SEPTIN9: variants seen among roughly 807,000 people sequenced by gnomAD.
SEPTIN9 encodes the protein septin 9.
A neutral mutation model predicts 56.6 loss-of-function variants in SEPTIN9; 13 were observed. The observed-to-expected ratio is 0.23, with a 90% CI of 0.15 to 0.37. The LOEUF (loss-of-function observed/expected upper bound fraction) is 0.37. Ranked by LOEUF, SEPTIN9 falls within the 10% of genes least tolerant of loss-of-function variation. The pLI is 1.00. For missense variants in SEPTIN9, 650 were observed against 823.1 expected (o/e 0.79, Z 2.57); for synonymous variants, 332 against 334.1 (o/e 0.99, Z 0.07).
rs2037960566 is a variant in SEPTIN9 at position 77,451,355 on chromosome 17, C to T, written c.722-30789C>T. On this transcript the variant is annotated intron_variant, in intron 3 of 11. Coordinates refer to ENST00000427177, the MANE Select transcript of SEPTIN9 (RefSeq NM_001113491.2). This position sits in a 1 kb window ranked among gnomAD's most constrained non-coding sequence, Gnocchi z 4.2. Reference sequence around the variant, plus strand: ...CCCTTGGAGCAATTCCCCACCGAGCCTCCCTTCCCAGGCAGTCGAGGTCCC... The same window carrying T: ...CCCTTGGAGCAATTCCCCACCGAGCTTCCCTTCCCAGGCAGTCGAGGTCCC... 2 of 985,882 alleles carry T rather than the reference C, an allele frequency of 2.0e-6. No individual in the cohort carries two copies. The highest frequency in any genetic ancestry group is 6.1e-5 in the Admixed American group (1 of 16,286). 61.1% of individuals were successfully genotyped at this position (985,882 alleles called of 1,614,324 possible). A position where few individuals can be genotyped will look rare whatever the true frequency, so the allele number is the denominator to read the frequency against.
In SEPTIN9 at chr17:77,330,151, G is replaced by A. The variant is rs1261736264; in HGVS notation, c.76+22954G>A. On this transcript the variant is annotated intron_variant, in intron 2 of 11. Transcript: ENST00000427177. The surrounding 1 kb of genome is among the most constrained non-coding windows in gnomAD (Gnocchi z 4.4). ...TCCTTCGGGACAGACCCCTGTGATC[G>A]CTGGGTGTTCCTGATGCTCTGTCCC... Among the ~76,000 whole-genome samples, 1 of 152,212 alleles carries A rather than the reference G, an allele frequency of 6.6e-6. No individual in the cohort carries two copies. Among genetic ancestry groups the A allele is most frequent in the Non-Finnish European group, 1.5e-5 (1 of 68,026 alleles).
intron 1 of SEPTIN9, among the ~76,000 whole-genome samples, chr17:77,294,211 G>A (rs1183414827): frequency 2.0e-5 from 3 of 152,098 alleles, no homozygotes; most frequent in Non-Finnish European, 4.4e-5. Flanking sequence ...TTGAGGTCAG[G>A]AGTTTGAAAC....
intron 2 of SEPTIN9, among the ~76,000 whole-genome samples, chr17:77,338,955 T>A (rs952407005): frequency 2.0e-5 from 3 of 152,194 alleles, no homozygotes; most frequent in African/African-American, 7.2e-5. Context: ...AGATCCCATC[T>A]CCAGGAACCA....
In SEPTIN9 at chr17:77,421,335, C is replaced by A. The variant is rs2036694676; in HGVS notation, c.721+18632C>A. Among the ~76,000 whole-genome samples the A allele has an allele frequency of 6.6e-6, 1 of 152,150 alleles. No homozygotes were observed. Among genetic ancestry groups the A allele is most frequent in the African/African-American group, 2.4e-5 (1 of 41,432 alleles). ...GAACAGATTGGAACCGCATTTCTCT[C>A]CCCCCAGTCACAGCTGCCAGGAGCT... On this transcript the variant is annotated intron_variant, in intron 3 of 11. Coordinates refer to ENST00000427177, the MANE Select transcript of SEPTIN9 (RefSeq NM_001113491.2). This position sits in a 1 kb window ranked among gnomAD's most constrained non-coding sequence, Gnocchi z 4.6.
chr17:77,316,811 A>G (rs2032729009), intron 2 of SEPTIN9, among the ~76,000 whole-genome samples: 1 of 151,154 alleles, frequency 6.6e-6, no homozygotes, highest in African/African-American at 2.4e-5. Context: ...GCTTCAAGCA[A>G]TCCTTCCGCC....
At chr17:77,383,527 C>A (rs1278900377) in intron 2 of SEPTIN9, among the ~76,000 whole-genome samples, 2 of 152,238 alleles carry the variant, frequency 1.3e-5, no homozygotes, top group African/African-American at 4.8e-5. Context: ...CGATGGAAAT[C>A]TCTGTCTACT....
chr17:77,496,557 G>A lies in SEPTIN9; in HGVS notation c.1574-758G>A, dbSNP rs990796337. Reference sequence around the variant, plus strand: ...CACCGCGTGTTCATATAGGAGTTACGAAGCACAGCAATAAAATGACCACTC... The same window carrying A: ...CACCGCGTGTTCATATAGGAGTTACAAAGCACAGCAATAAAATGACCACTC... On this transcript the variant is annotated intron_variant, in intron 10 of 11. Transcript: ENST00000427177. 3.9e-5 allele frequency among the ~76,000 whole-genome samples: 6 copies of A among 152,178 alleles called. No homozygotes were observed. In the South Asian group the frequency reaches 6.2e-4, roughly 16 times the overall value.
chr17:77,421,500 G>C lies in SEPTIN9; in HGVS notation c.721+18797G>C, dbSNP rs1284256272. On this transcript the variant is annotated intron_variant, in intron 3 of 11. Coordinates refer to ENST00000427177, the MANE Select transcript of SEPTIN9 (RefSeq NM_001113491.2). The surrounding 1 kb of genome is among the most constrained non-coding windows in gnomAD (Gnocchi z 4.6). ...CCTGGGGACCGAGATGAGGGCTCCA[G>C]GTTGGCTCCGGCAAGAGCAGGGAGG... Among the ~76,000 whole-genome samples, 1 of 152,196 alleles carries C rather than the reference G, an allele frequency of 6.6e-6. No individual in the cohort carries two copies. Among genetic ancestry groups the C allele is most frequent in the African/African-American group, 2.4e-5 (1 of 41,446 alleles).
chr17:77,398,810 C>T (rs113864471), intron 2 of SEPTIN9, among the ~76,000 whole-genome samples: 4,167 of 152,284 alleles, frequency 0.027, 193 homozygotes, highest in African/African-American at 0.095. Context: ...GTGGCCCCTG[C>T]GGGTGGAACA....
chr17:77,306,863 ATTCC>A (rs1008416704), intron 1 of SEPTIN9, among the ~76,000 whole-genome samples: 3 of 152,178 alleles, frequency 2.0e-5, no homozygotes, highest in Non-Finnish European at 4.4e-5. Context: ...GGAGACTCAG[ATTCC>A]TTATCTGCAA....
At chr17:77,370,430 C>A (rs2034683912) in intron 2 of SEPTIN9, among the ~76,000 whole-genome samples, 1 of 152,166 alleles carries the variant, frequency 6.6e-6, no homozygotes, top group South Asian at 2.1e-4. Context: ...TTAGGGCCCA[C>A]CTTATCTTGA....
chr17:77,490,951 C>T lies in SEPTIN9; in HGVS notation c.1380+92C>T, dbSNP rs2040000378. On this transcript the variant is annotated intron_variant, in intron 8 of 11. Coordinates refer to ENST00000427177, the MANE Select transcript of SEPTIN9 (RefSeq NM_001113491.2). The stretch of plus-strand genomic sequence containing the variant: ...GGCCACCCCGTCTAAAGGAGTCACA[C>T]TGTCAGGGAGACCGAACCGCTGGTC... 5.9e-6 allele frequency: 6 copies of T among 1,022,284 alleles called. No homozygotes were observed. The South Asian group carries it at 6.8e-5, about 12-fold the overall frequency. 63.3% of individuals were successfully genotyped at this position (1,022,284 alleles called of 1,614,324 possible).
At chr17:77,428,993 G>A (rs1400742190) in intron 3 of SEPTIN9, 1 of 471,066 alleles carries the variant, frequency 2.1e-6, no homozygotes, top group African/African-American at 2.0e-5. Context: ...TAAGTGGTAA[G>A]CCGTCAGAGG....
chr17:77,490,709 C>T (rs375544386), intron 7 of SEPTIN9, 33 bp from the exon 8 acceptor site: 18 of 1,495,600 alleles, frequency 1.2e-5, no homozygotes, highest in East Asian at 7.4e-5. Context: ...CCCGCTCCCC[C>T]AGATGAGCCT....
intron 1 of SEPTIN9, among the ~76,000 whole-genome samples, chr17:77,287,298 T>C (rs889139303): frequency 6.6e-6 from 1 of 152,228 alleles, no homozygotes; most frequent in Admixed American, 6.5e-5. Context: ...CCGTGGCCGA[T>C]GGGCTGGTCA....
chr17:77,445,486 A>C lies in SEPTIN9; in HGVS notation c.722-36658A>C, dbSNP rs1008464110. ...GAGGAGCTTGGCAGGAGCAGAGTGCAGGACCTGGGAACTGGGGGTTGGTGC... is the reference window on the plus strand; with the variant it reads ...GAGGAGCTTGGCAGGAGCAGAGTGCCGGACCTGGGAACTGGGGGTTGGTGC... On this transcript the variant is annotated intron_variant, in intron 3 of 11. Transcript: ENST00000427177. The surrounding 1 kb of genome is among the most constrained non-coding windows in gnomAD (Gnocchi z 4.7). The C allele has an allele frequency of 2.6e-5, 12 of 457,534 alleles. No individual in the cohort carries two copies. The highest frequency in any genetic ancestry group is 4.6e-5 in the Non-Finnish European group (10 of 219,644). The allele number at this position is 457,534 out of a possible 1,614,324, so 28.3% of individuals were successfully genotyped here.
intron 3 of SEPTIN9, among the ~76,000 whole-genome samples, chr17:77,410,941 G>A (rs989380412): frequency 2.0e-4 from 30 of 152,118 alleles, no homozygotes; most frequent in Non-Finnish European, 1.0e-4. Context: ...AATGCACGAC[G>A]GGGCGTGGTG....
chr17:77,286,280 A>C (rs1202759011), intron 1 of SEPTIN9: 11 of 152,374 alleles, frequency 7.2e-5, no homozygotes, highest in Admixed American at 7.2e-4. Flanking sequence ...CTGCCCGCTC[A>C]CGCCAGACCG....
chr17:77,282,903 G>C (rs1291401715), intron 1 of SEPTIN9, among the ~76,000 whole-genome samples: 2 of 152,186 alleles, frequency 1.3e-5, no homozygotes, highest in Non-Finnish European at 2.9e-5. Flanking sequence ...TCTCTAGCCC[G>C]CCCAGGGAGG....
Sources: allele counts gnomAD v4.1 joint callset (sites outside exome capture counted in the v4.1 genomes callset), GRCh38; gene constraint gnomAD v4.1.1; non-coding constraint Gnocchi (gnomAD v3.1); transcripts MANE v1.5; gene names NCBI Gene and HGNC (gene_info 2026-07-23, HGNC 2026-07-21).